The following FAM83G variants were observed in gnomAD, a reference collection of about 807,000 sequenced individuals.
FAM83G encodes scaffolding CK1 anchoring protein G.
Under a neutral mutation model 61.5 loss-of-function variants are expected in FAM83G, and 38 were observed. That is an observed-to-expected ratio of 0.62 (90% CI 0.48 to 0.81). The LOEUF is 0.81. Among genes scored for constraint, FAM83G ranks in the 30% least tolerant of loss-of-function variants. FAM83G has a pLI of 0.00. For synonymous variants in FAM83G, 470 were observed against 476.1 expected, an observed-to-expected ratio of 0.99 and a Z score of 0.17; for missense variants, 989 against 1,133.6, an observed-to-expected ratio of 0.87 and a Z score of 1.83.
At chr17:18,980,549 G>A (rs2043105324) in intron 3 of FAM83G, among the ~76,000 whole-genome samples, 1 of 152,148 alleles carries the variant, frequency 6.6e-6, no homozygotes, top group Admixed American at 6.5e-5. Flanking sequence ...TGGAGTCTCT[G>A]GAGCTGCCAA....
In FAM83G at chr17:18,969,301, G is replaced by C; in HGVS notation, c.*2058C>G. On this transcript the variant is annotated 3_prime_UTR_variant, in exon 6 of 6. Transcript: ENST00000388995. ...GTTCCTCCCCGTGTCCCTCCTCCCTGGGGCCAGGGCCCCCTCCAGCAACCT... is the reference window on the plus strand; with the variant it reads ...GTTCCTCCCCGTGTCCCTCCTCCCTCGGGCCAGGGCCCCCTCCAGCAACCT... 1 of 1,604,384 alleles carries C rather than the reference G, an allele frequency of 6.2e-7. No homozygotes were observed. The highest frequency in any genetic ancestry group is 8.5e-7 in the Non-Finnish European group (1 of 1,173,886).
intron 5 of FAM83G, chr17:18,975,626 C>G (rs1285471927): frequency 6.6e-6 from 1 of 151,612 alleles, no homozygotes; most frequent in Non-Finnish European, 1.5e-5. Context: ...CCCTGGAAGG[C>G]AGAGGTTGCG....
rs112417971 is a variant in FAM83G, at chr17:18,997,573, T to C, written c.522+5947A>G. On this transcript the variant is annotated intron_variant, in intron 2 of 5. Coordinates refer to ENST00000388995, the MANE Select transcript of FAM83G (RefSeq NM_001039999.3). The stretch of plus-strand genomic sequence containing the variant: ...CTCCAGGGTCCAAGAGCGACAGACA[T>C]TGGGGCCATCAAGCATCCTAATGCC... Among the ~76,000 whole-genome samples the C allele has an allele frequency of 9.9e-3, 1,512 of 152,342 alleles. 24 individuals are homozygous for C. The highest frequency in any genetic ancestry group is 0.033 in the African/African-American group (1,383 of 41,580).
chr17:18,994,669 C>T (rs1489456093), intron 2 of FAM83G, among the ~76,000 whole-genome samples: 6 of 152,122 alleles, frequency 3.9e-5, no homozygotes, highest in Non-Finnish European at 8.8e-5. Context: ...CCTCCTAACA[C>T]ACAGGTCCTG....
intron 3 of FAM83G, among the ~76,000 whole-genome samples, chr17:18,985,860 G>C (rs1482529333): frequency 6.6e-6 from 1 of 152,258 alleles, no homozygotes; most frequent in Admixed American, 6.5e-5. Context: ...GGAAGGGCTG[G>C]GGGTGGAACA....
Position 18,968,982 on chromosome 17 carries a change from G to T in FAM83G, c.*2377C>A. On this transcript the variant is annotated 3_prime_UTR_variant, in exon 6 of 6. Coordinates refer to ENST00000388995, the MANE Select transcript of FAM83G (RefSeq NM_001039999.3). The surrounding 1 kb of genome is among the most constrained non-coding windows in gnomAD (Gnocchi z 4.1). ...GAGGCCCAGAGAGGGCCTTGCCCGA[G>T]GTCACCCAGGGAGTGGCTTGCTGGA... 6.7e-7 allele frequency: 1 copy of T among 1,493,636 alleles called. No homozygotes were observed. The highest frequency in any genetic ancestry group is 9.0e-7 in the Non-Finnish European group (1 of 1,105,310). The allele number at this position is 1,493,636 out of a possible 1,614,324, so 92.5% of individuals were successfully genotyped here.
At position 19,004,142 on chromosome 17, in the gene FAM83G, G is replaced by T; in HGVS notation, c.-101C>A. ...ACCGCGCGCTCGGGGGCCTCTCCGC[G>T]GCCTCTGCTTCTCTGCCCATGAGCA... On this transcript the variant is annotated 5_prime_UTR_variant, in exon 2 of 6. Coordinates refer to ENST00000388995, the MANE Select transcript of FAM83G (RefSeq NM_001039999.3). This position sits in a 1 kb window ranked among gnomAD's most constrained non-coding sequence, Gnocchi z 5.4. 1 of 1,188,962 alleles carries T rather than the reference G, an allele frequency of 8.4e-7. No homozygotes were observed. Among genetic ancestry groups the T allele is most frequent in the Non-Finnish European group, 1.2e-6 (1 of 852,812 alleles). The allele number at this position is 1,188,962 out of a possible 1,614,324, so 73.7% of individuals were successfully genotyped here.
chr17:18,990,868 A>G (rs1286534406), intron 2 of FAM83G, among the ~76,000 whole-genome samples: 1 of 152,210 alleles, frequency 6.6e-6, no homozygotes, highest in Non-Finnish European at 1.5e-5. Flanking sequence ...GGGGCCCTTG[A>G]GTCCTGTCAT....
rs764496911 is a variant in FAM83G, at chr17:18,977,794, C to T, written c.1872G>A (p.Glu624=). 6.2e-7 allele frequency: 1 copy of T among 1,601,980 alleles called. No individual in the cohort carries two copies. Among genetic ancestry groups the T allele is most frequent in the Non-Finnish European group, 8.5e-7 (1 of 1,173,602 alleles). The change falls in exon 5 of 6, where the codon GAG becomes GAA. Residue 624 remains glutamate, a synonymous_variant. Transcript: ENST00000388995. ...GGCGCCTCCGGAGAGGGACTGAGTGCTCTCTCACCTCGAAGTACTCCTCTG... is the reference window on the plus strand; with the variant it reads ...GGCGCCTCCGGAGAGGGACTGAGTGTTCTCTCACCTCGAAGTACTCCTCTG... ...SVSEEYFEVR[E]HSVPLRRRHS...
chr17:18,988,129 G>A (rs1295060886), intron 3 of FAM83G, 118 bp downstream of exon 3: 3 of 1,446,326 alleles, frequency 2.1e-6, no homozygotes, highest in African/African-American at 1.4e-5. Flanking sequence ...TAGGATTACT[G>A]GACTCTGAGT....
chr17:18,997,330 TG>T (rs1383286524), intron 2 of FAM83G, among the ~76,000 whole-genome samples: 1 of 152,202 alleles, frequency 6.6e-6, no homozygotes, highest in African/African-American at 2.4e-5. Context: ...GGAAAGGCCA[TG>T]AGGTGACCAA....
Position 18,979,579 on chromosome 17 carries a change from T to A in FAM83G, c.785A>T (p.Asp262Val), listed in dbSNP as rs2043076906. ...GGAGCCGCACACAGCCCGGTCTCCA[T>A]CCACAAACATGAACTTCTGGGCCAG... Reference protein sequence around the residue: ...GALAQKFMFVDGDRAVCGSYS... With the variant: ...GALAQKFMFVVGDRAVCGSYS... The change falls in exon 4 of 6, where the codon GAT (aspartate) becomes GTT (valine). Residue 262 changes from aspartate (D) to valine (V), a missense_variant. Transcript: ENST00000388995. 1 of 1,613,506 alleles carries A rather than the reference T, an allele frequency of 6.2e-7. No homozygotes were observed. The highest frequency in any genetic ancestry group is 2.2e-5 in the East Asian group (1 of 44,886).
Position 18,971,528 on chromosome 17 carries a change from C to T in FAM83G, c.2303G>A (p.Arg768His), listed in dbSNP as rs375064559. Reference protein sequence around the residue: ...PGSPRLAQNARPMTDGRATEE... With the variant: ...PGSPRLAQNAHPMTDGRATEE... Reference sequence around the variant, plus strand: ...GGTGGCCCTGCCATCGGTCATGGGGCGGGCATTTTGGGCCAGTCTTGGGCT... The same window carrying T: ...GGTGGCCCTGCCATCGGTCATGGGGTGGGCATTTTGGGCCAGTCTTGGGCT... Residue 768 changes from arginine (R) to histidine (H), a missense_variant, in exon 6 of 6, where the codon CGC becomes CAC. Coordinates refer to ENST00000388995, the MANE Select transcript of FAM83G (RefSeq NM_001039999.3). The surrounding 1 kb of genome is among the most constrained non-coding windows in gnomAD (Gnocchi z 5.5). 61 of 1,613,826 alleles carry T rather than the reference C, an allele frequency of 3.8e-5. No homozygotes were observed. Among genetic ancestry groups the T allele is most frequent in the African/African-American group, 2.8e-4 (21 of 74,904 alleles).
At chr17:18,972,324 A>G (rs938054700) in intron 5 of FAM83G, among the ~76,000 whole-genome samples, 1 of 152,190 alleles carries the variant, frequency 6.6e-6, no homozygotes, top group Non-Finnish European at 1.5e-5. Context: ...AGGACAAGGC[A>G]GCCACAGCCA....
At position 19,003,511 on chromosome 17, in the gene FAM83G, C is replaced by G. The variant is rs763070393; in HGVS notation, c.522+9G>C. The G allele has an allele frequency of 6.6e-7, 1 of 1,521,410 alleles. No homozygotes were observed. Among genetic ancestry groups the G allele is most frequent in the East Asian group, 2.3e-5 (1 of 43,668 alleles). The allele number at this position is 1,521,410 out of a possible 1,614,324, so 94.2% of individuals were successfully genotyped here. On this transcript the variant is annotated intron_variant, in intron 2 of 5. Coordinates refer to ENST00000388995, the MANE Select transcript of FAM83G (RefSeq NM_001039999.3). The surrounding 1 kb of genome is among the most constrained non-coding windows in gnomAD (Gnocchi z 4.5). ...GGCCATGGCTCCAGGAGTCCCCGCG[C>G]TGCCTCACCTTCTGTGCCTGGCTGA...
chr17:18,983,322 A>G (rs945107867), intron 3 of FAM83G, among the ~76,000 whole-genome samples: 2 of 152,242 alleles, frequency 1.3e-5, no homozygotes, highest in African/African-American at 4.8e-5. Context: ...AGAGAGGTGG[A>G]ACCACACGCC....
intron 5 of FAM83G, among the ~76,000 whole-genome samples, chr17:18,974,621 C>T (rs972285138): frequency 1.1e-4 from 17 of 152,206 alleles, no homozygotes; most frequent in African/African-American, 4.1e-4. Flanking sequence ...TCGTGGGCAG[C>T]GTGCTGACTC....
At chr17:18,972,396 G>A (rs766937577) in intron 5 of FAM83G, among the ~76,000 whole-genome samples, 5 of 152,222 alleles carry the variant, frequency 3.3e-5, no homozygotes, top group Non-Finnish European at 5.9e-5. Context: ...CCTACCCTGG[G>A]AGTAGGCCCG....
Position 18,970,861 on chromosome 17 carries a change from T to A in FAM83G, c.*498A>T, listed in dbSNP as rs1203023457. On this transcript the variant is annotated 3_prime_UTR_variant, in exon 6 of 6. Coordinates refer to ENST00000388995, the MANE Select transcript of FAM83G (RefSeq NM_001039999.3). ...TAAAAAAAAAAACAACCCTCTACCC[T>A]CACACCTTTCCAAACACTGGGAAAG... 5 of 656,368 alleles carry A rather than the reference T, an allele frequency of 7.6e-6. No homozygotes were observed. Among genetic ancestry groups the A allele is most frequent in the Non-Finnish European group, 1.3e-5 (5 of 376,024 alleles). The allele number at this position is 656,368 out of a possible 1,614,324, so 40.7% of individuals were successfully genotyped here. A position where few individuals can be genotyped will look rare whatever the true frequency, so the allele number is the denominator to read the frequency against.
Sources: allele counts gnomAD v4.1 joint callset (sites outside exome capture counted in the v4.1 genomes callset), GRCh38; gene constraint gnomAD v4.1.1; non-coding constraint Gnocchi (gnomAD v3.1); transcripts MANE v1.5; gene names NCBI Gene and HGNC (gene_info 2026-07-23, HGNC 2026-07-21).